The following PCTP variants were observed in gnomAD, a reference collection of about 807,000 sequenced individuals.
The protein encoded by PCTP is START domain-containing protein 2.
In PCTP, 27 loss-of-function variants were observed where a neutral mutation model predicts 31.0. That is an observed-to-expected ratio of 0.87 (90% confidence interval 0.64 to 1.20). PCTP has a LOEUF of 1.20. Ranked by LOEUF, PCTP falls within the 50% of genes most tolerant of loss-of-function variation. The pLI is 0.00. For synonymous variants in PCTP, 108 were observed against 101.2 expected (o/e 1.07, Z -0.40); for missense variants, 287 against 268.2 (o/e 1.07, Z -0.49).
At chr17:55,827,038 CAAAA>C (rs33976207), downstream of PCTP, among the ~76,000 whole-genome samples, 14 of 134,918 alleles carry the variant, frequency 1.0e-4, no homozygotes, top group Admixed American at 5.2e-4. Flanking sequence ...GGTAAACAGC[CAAAA>C]AAAAAAAAAA....
chr17:55,775,550 A>T, intron 5 of PCTP: 3 of 1,173,254 alleles, frequency 2.6e-6, no homozygotes, highest in Non-Finnish European at 2.1e-6. Context: ...AAAAATGAAG[A>T]TAGATGTCTT....
chr17:55,845,887 G>GGTGTGTGAGT (rs1906133810), downstream of PCTP, among the ~76,000 whole-genome samples: 2 of 142,962 alleles, frequency 1.4e-5, no homozygotes, highest in Non-Finnish European at 3.0e-5. Flanking sequence ...AGAGGGTTGG[G>GGTGTGTGAGT]GTGTGTGTGT....
intron 3 of PCTP, among the ~76,000 whole-genome samples, chr17:55,791,220 A>C (rs1197896742): frequency 6.6e-6 from 1 of 152,110 alleles, no homozygotes; most frequent in African/African-American, 2.4e-5. Context: ...AAACCTAGGC[A>C]TTACCATTCA....
intron 2 of PCTP, among the ~76,000 whole-genome samples, chr17:55,786,225 G>A (rs2144995798): frequency 6.6e-6 from 1 of 152,308 alleles, no homozygotes; most frequent in East Asian, 1.9e-4. Flanking sequence ...AGTGGAGGTT[G>A]CAGTGAGCCA....
chr17:55,775,771 T>A, intron 5 of PCTP: 1 of 1,264,506 alleles, frequency 7.9e-7, no homozygotes, highest in Non-Finnish European at 9.9e-7. Flanking sequence ...AGAAACACTG[T>A]TTCAGAAACA....
At chr17:55,798,236 T>C (rs1026697437) in intron 3 of PCTP, among the ~76,000 whole-genome samples, 3 of 151,818 alleles carry the variant, frequency 2.0e-5, no homozygotes, top group African/African-American at 7.2e-5. Flanking sequence ...TGGGACAACA[T>C]AAAAATGTCT....
chr17:55,845,914 GTGTGTGTGTGTGTA>G (rs1598028262), downstream of PCTP, among the ~76,000 whole-genome samples: 1 of 151,638 alleles, frequency 6.6e-6, no homozygotes, highest in African/African-American at 2.4e-5. Flanking sequence ...GTGTGTGTGT[GTGTGTGTGTGTGTA>G]TGTGTGTGTG....
chr17:55,831,030 AG>A (rs1161716494), intron 5 of PCTP, among the ~76,000 whole-genome samples: 4 of 152,210 alleles, frequency 2.6e-5, no homozygotes, highest in African/African-American at 9.7e-5. Context: ...TTTGCAGGGC[AG>A]GGGCAGCAGC....
At chr17:55,814,331 T>A (rs1912845727) in intron 3 of PCTP, among the ~76,000 whole-genome samples, 1 of 152,210 alleles carries the variant, frequency 6.6e-6, no homozygotes, top group Non-Finnish European at 1.5e-5. Context: ...AGATCAAAAG[T>A]GTTCACTAAA....
At chr17:55,821,174 CAT>C (rs971845554) in intron 3 of PCTP, among the ~76,000 whole-genome samples, 17 of 152,226 alleles carry the variant, frequency 1.1e-4, no homozygotes, top group African/African-American at 3.6e-4. Context: ...TTGAATAAAA[CAT>C]AATATATCTG....
chr17:55,751,067 C>A lies in PCTP; in HGVS notation c.-37C>A. 6.7e-7 allele frequency: 1 copy of A among 1,491,372 alleles called. No homozygotes were observed. The highest frequency in any genetic ancestry group is 2.3e-5 in the Admixed American group (1 of 42,656). 92.4% of individuals were successfully genotyped at this position (1,491,372 alleles called of 1,614,324 possible). ...AGGCCCACACTAAGGGTGTCCGCGG[C>A]CTGCCCTCCAGGCGGAGGAGCCCGG... is the stretch of plus-strand genomic sequence containing the variant. On this transcript the variant is annotated 5_prime_UTR_variant, in exon 1 of 6. Coordinates refer to ENST00000268896, the MANE Select transcript of PCTP (RefSeq NM_021213.4).
chr17:55,757,862 GAT>G, intron 1 of PCTP, among the ~76,000 whole-genome samples: 1 of 152,282 alleles, frequency 6.6e-6, no homozygotes, highest in East Asian at 1.9e-4. Context: ...GAAATTGAAA[GAT>G]GAAAGTGAGA....
At chr17:55,825,717 C>G (rs78811790), downstream of PCTP, among the ~76,000 whole-genome samples, 260 of 152,344 alleles carry the variant, frequency 1.7e-3, 1 homozygote, top group African/African-American at 6.1e-3. Context: ...AACTCCATGA[C>G]TCCAGGATCC....
chr17:55,772,909 A>T (rs1326992374), intron 3 of PCTP, among the ~76,000 whole-genome samples: 1 of 152,204 alleles, frequency 6.6e-6, no homozygotes. Context: ...GGGGATACTC[A>T]TACCAAACTC....
At chr17:55,790,293 G>A (rs961194396) in intron 3 of PCTP, among the ~76,000 whole-genome samples, 4 of 152,066 alleles carry the variant, frequency 2.6e-5, no homozygotes, top group East Asian at 1.9e-4. Context: ...AGTGTTGGAA[G>A]TTCTGGCCAG....
the PCTP span, among the ~76,000 whole-genome samples, chr17:55,848,053 G>T: frequency 1.3e-5 from 2 of 152,034 alleles, no homozygotes; most frequent in Non-Finnish European, 2.9e-5. Flanking sequence ...CTCCTGAGTT[G>T]CTGGGACTAC....
At chr17:55,757,838 G>A (rs1234452586) in intron 1 of PCTP, among the ~76,000 whole-genome samples, 1 of 152,138 alleles carries the variant, frequency 6.6e-6, no homozygotes, top group Non-Finnish European at 1.5e-5. Flanking sequence ...ATACCCTAGA[G>A]ATGAGATGCA....
chr17:55,849,124 G>A, the PCTP span, among the ~76,000 whole-genome samples: 5 of 151,860 alleles, frequency 3.3e-5, no homozygotes, highest in South Asian at 4.2e-4. Flanking sequence ...TTATAATAAC[G>A]TTTTAGGATG....
intron 1 of PCTP, among the ~76,000 whole-genome samples, chr17:55,766,229 T>C (rs1910641487): frequency 6.6e-6 from 1 of 151,676 alleles, no homozygotes; most frequent in African/African-American, 2.4e-5. Context: ...GTGTTTGGTG[T>C]GGCATGAACG....
Sources: allele counts gnomAD v4.1 joint callset (sites outside exome capture counted in the v4.1 genomes callset), GRCh38; gene constraint gnomAD v4.1.1; transcripts MANE v1.5; gene names NCBI Gene and HGNC (gene_info 2026-07-23, HGNC 2026-07-21).